Variants in SLC8A1 observed in about 807,000 individuals in gnomAD.
SLC8A1 encodes the protein sodium/calcium exchanger 1.
SLC8A1 carries 18 observed loss-of-function variants against 68.3 expected under a neutral mutation model. That is an observed-to-expected ratio of 0.26 (90% confidence interval 0.18 to 0.39). SLC8A1 has a LOEUF of 0.39. Ranked by LOEUF, SLC8A1 falls within the 10% of genes least tolerant of loss-of-function variation. SLC8A1 has a pLI of 1.00. For missense variants in SLC8A1, 985 were observed against 1,156.7 expected, an observed-to-expected ratio of 0.85 and a Z score of 2.15; for synonymous variants, 475 against 415.5, an observed-to-expected ratio of 1.14 and a Z score of -1.74.
At chr2:40,186,111 C>T (rs1378075558) in intron 2 of SLC8A1, among the ~76,000 whole-genome samples, 1 of 152,096 alleles carries the variant, frequency 6.6e-6, no homozygotes, top group Non-Finnish European at 1.5e-5. Context: ...TTTCTTTTCC[C>T]CAAAATATAA....
chr2:40,191,126 T>C (rs767398488), intron 2 of SLC8A1, among the ~76,000 whole-genome samples: 13 of 152,250 alleles, frequency 8.5e-5, no homozygotes, highest in Middle Eastern at 6.8e-3. Context: ...AAACAAGTAA[T>C]TAAATATAGT....
At chr2:40,444,751 A>G (rs1456587109) in intron 1 of SLC8A1, among the ~76,000 whole-genome samples, 1 of 152,232 alleles carries the variant, frequency 6.6e-6, no homozygotes, top group Non-Finnish European at 1.5e-5. Flanking sequence ...GTCCACAAGT[A>G]ACATTTTATG....
intron 2 of SLC8A1, among the ~76,000 whole-genome samples, chr2:40,397,850 A>G (rs1687474421): frequency 6.6e-6 from 1 of 152,134 alleles, no homozygotes; most frequent in African/African-American, 2.4e-5. Flanking sequence ...ACCCAGGGCA[A>G]TTTCTTAAAG....
At chr2:40,331,654 T>C (rs1012700744) in intron 2 of SLC8A1, among the ~76,000 whole-genome samples, 2 of 152,030 alleles carry the variant, frequency 1.3e-5, no homozygotes, top group African/African-American at 4.8e-5. Flanking sequence ...GGTGCAATGG[T>C]GCGATCTCGG....
intron 1 of SLC8A1, among the ~76,000 whole-genome samples, chr2:40,457,926 C>T (rs929490907): frequency 1.3e-5 from 2 of 152,076 alleles, no homozygotes; most frequent in Admixed American, 6.5e-5. Flanking sequence ...AGGGATTTGC[C>T]GAATCCTGGC....
exon 8 of SLC8A1, chr2:40,111,752 T>C (rs1252996377): frequency 6.6e-6 from 1 of 152,134 alleles, no homozygotes; most frequent in Admixed American, 6.6e-5. Context: ...GAATATAACA[T>C]ATGAAACTAA....
At chr2:40,364,141 GCA>G (rs1675356807) in intron 2 of SLC8A1, among the ~76,000 whole-genome samples, 1 of 151,818 alleles carries the variant, frequency 6.6e-6, no homozygotes, top group Non-Finnish European at 1.5e-5. Flanking sequence ...TCTTAGTATA[GCA>G]CACTTTTCAG....
exon 8 of SLC8A1, chr2:40,107,072 C>T (rs1391648744): frequency 4.6e-5 from 7 of 152,030 alleles, no homozygotes; most frequent in Admixed American, 4.6e-4. Context: ...AACATCTAAG[C>T]TAAAATACGA....
chr2:40,479,951 T>C (rs1009227773), intron 1 of SLC8A1, among the ~76,000 whole-genome samples: 4 of 152,130 alleles, frequency 2.6e-5, no homozygotes, highest in Non-Finnish European at 5.9e-5. Flanking sequence ...CCACAGTCTG[T>C]TGATATAGTT....
At chr2:40,145,539 C>CT (rs2042300725) in intron 6 of SLC8A1, among the ~76,000 whole-genome samples, 2 of 152,154 alleles carry the variant, frequency 1.3e-5, no homozygotes, top group African/African-American at 2.4e-5. Context: ...AGAATTATGA[C>CT]TTTTTTGCAA....
chr2:40,100,710 G>C (rs985927350), exon 8 of SLC8A1: 4 of 152,152 alleles, frequency 2.6e-5, no homozygotes, highest in Non-Finnish European at 1.5e-5. Context: ...ATGGGGAAAA[G>C]AGCCGATGAG....
intron 2 of SLC8A1, among the ~76,000 whole-genome samples, chr2:40,296,542 G>A (rs2149251327): frequency 6.6e-6 from 1 of 152,078 alleles, no homozygotes. Context: ...AATCCAATTT[G>A]TGGTACAATT....
chr2:40,158,626 G>A (rs922718542), intron 6 of SLC8A1, among the ~76,000 whole-genome samples: 17 of 152,226 alleles, frequency 1.1e-4, no homozygotes, highest in Middle Eastern at 3.4e-3. Context: ...GTAATGTGAC[G>A]CGGCCAGTCT....
intron 6 of SLC8A1, among the ~76,000 whole-genome samples, chr2:40,155,645 T>TAGTC (rs2044335204): frequency 6.6e-6 from 1 of 152,212 alleles, no homozygotes; most frequent in South Asian, 2.1e-4. Context: ...TTCAGGCTGA[T>TAGTC]AGTCAAGTGA....
chr2:40,353,139 T>C (rs960730528), intron 2 of SLC8A1, among the ~76,000 whole-genome samples: 3 of 152,120 alleles, frequency 2.0e-5, no homozygotes, highest in African/African-American at 7.2e-5. Context: ...ATCAAAGGGG[T>C]AAATTGTTTT....
At chr2:40,439,250 A>T (rs2149820893) in intron 1 of SLC8A1, among the ~76,000 whole-genome samples, 1 of 152,290 alleles carries the variant, frequency 6.6e-6, no homozygotes, top group African/African-American at 2.4e-5. Flanking sequence ...AGCAAGGATT[A>T]CTAGGTCACT....
chr2:40,284,120 A>T (rs1024389835), intron 2 of SLC8A1, among the ~76,000 whole-genome samples: 1 of 152,074 alleles, frequency 6.6e-6, no homozygotes, highest in Non-Finnish European at 1.5e-5. Flanking sequence ...CACACGAATT[A>T]CATTGTTTCC....
chr2:40,130,458 A>T (rs1021331761), intron 7 of SLC8A1, among the ~76,000 whole-genome samples: 13 of 152,216 alleles, frequency 8.5e-5, no homozygotes, highest in African/African-American at 3.1e-4. Context: ...TGAGGTTAAG[A>T]TAAGGTCCTG....
chr2:40,204,854 T>G (rs550247183), intron 2 of SLC8A1, among the ~76,000 whole-genome samples: 18 of 152,180 alleles, frequency 1.2e-4, no homozygotes, highest in African/African-American at 4.1e-4. Context: ...TTATGGTTAC[T>G]GCACTTCTTA....
Sources: allele counts gnomAD v4.1 joint callset (sites outside exome capture counted in the v4.1 genomes callset), GRCh38; gene constraint gnomAD v4.1.1; transcripts MANE v1.5; gene names NCBI Gene and HGNC (gene_info 2026-07-23, HGNC 2026-07-21).